QTMAN: variants seen among roughly 807,000 people sequenced by gnomAD.
QTMAN encodes tRNA-queuosine alpha-mannosyltransferase.
At chr2:144,215,273 T>C in the QTMAN span, among the ~76,000 whole-genome samples, 1,357 of 143,828 alleles carry the variant, frequency 9.4e-3, 10 homozygotes, top group East Asian at 0.013. Flanking sequence ...TATATATATA[T>C]ACACACACAC....
the QTMAN span, among the ~76,000 whole-genome samples, chr2:144,255,427 T>C: frequency 6.6e-6 from 1 of 152,170 alleles, no homozygotes; most frequent in African/African-American, 2.4e-5. Context: ...CAAGTTTGCT[T>C]TGGTTTCCGC....
At chr2:144,240,091 GTTAAAT>G in the QTMAN span, among the ~76,000 whole-genome samples, 3 of 152,176 alleles carry the variant, frequency 2.0e-5, no homozygotes, top group Non-Finnish European at 4.4e-5. Context: ...AATGGGCCTA[GTTAAAT>G]TAGAGGTAAT....
chr2:144,017,026 G>C, the QTMAN span, among the ~76,000 whole-genome samples: 1 of 149,540 alleles, frequency 6.7e-6, no homozygotes, highest in Non-Finnish European at 1.5e-5. Flanking sequence ...TTTTTTTTGA[G>C]ACAGAGTCTC....
At chr2:144,329,066 C>T in the QTMAN span, among the ~76,000 whole-genome samples, 1 of 151,816 alleles carries the variant, frequency 6.6e-6, no homozygotes, top group East Asian at 1.9e-4. Flanking sequence ...ATGGTGAAAC[C>T]CCATCAGTAC....
the QTMAN span, among the ~76,000 whole-genome samples, chr2:144,170,859 T>C: frequency 6.6e-6 from 1 of 152,140 alleles, no homozygotes; most frequent in Non-Finnish European, 1.5e-5. Context: ...ATATTCACAT[T>C]GATAACATAT....
At chr2:144,133,589 AAT>A in the QTMAN span, among the ~76,000 whole-genome samples, 193 of 128,822 alleles carry the variant, frequency 1.5e-3, no homozygotes, top group South Asian at 4.5e-3. Context: ...TATAAATACA[AAT>A]ATATATATAT....
At chr2:144,066,441 T>G in the QTMAN span, among the ~76,000 whole-genome samples, 1 of 152,200 alleles carries the variant, frequency 6.6e-6, no homozygotes, top group African/African-American at 2.4e-5. Context: ...ATTTAGCCAA[T>G]TTTTCAGCAC....
chr2:144,076,360 T>C, the QTMAN span, among the ~76,000 whole-genome samples: 1 of 152,218 alleles, frequency 6.6e-6, no homozygotes, highest in Admixed American at 6.5e-5. Flanking sequence ...AGGCAAGTGG[T>C]GTTCACCTGA....
the QTMAN span, among the ~76,000 whole-genome samples, chr2:144,305,263 C>A: frequency 6.6e-6 from 1 of 152,112 alleles, no homozygotes; most frequent in African/African-American, 2.4e-5. Context: ...ATCCATTTGG[C>A]ATTAATATTT....
the QTMAN span, among the ~76,000 whole-genome samples, chr2:144,198,719 C>T: frequency 6.6e-6 from 1 of 152,172 alleles, no homozygotes; most frequent in African/African-American, 2.4e-5. Context: ...TCCAGAGCAA[C>T]AGAGCTTTCC....
chr2:144,121,953 G>A, the QTMAN span, among the ~76,000 whole-genome samples: 1 of 152,066 alleles, frequency 6.6e-6, no homozygotes, highest in Non-Finnish European at 1.5e-5. Context: ...AGCCCAGTAG[G>A]TAAAAAATAA....
At chr2:144,013,684 A>G in the QTMAN span, among the ~76,000 whole-genome samples, 5 of 152,308 alleles carry the variant, frequency 3.3e-5, no homozygotes, top group African/African-American at 1.2e-4. Context: ...AACCAAATTG[A>G]GGAGAAGGAA....
chr2:144,239,390 A>C, the QTMAN span, among the ~76,000 whole-genome samples: 1 of 152,126 alleles, frequency 6.6e-6, no homozygotes, highest in Non-Finnish European at 1.5e-5. Context: ...AATATCTACA[A>C]TTGCCAACCT....
At chr2:144,122,435 A>G in the QTMAN span, among the ~76,000 whole-genome samples, 1 of 152,206 alleles carries the variant, frequency 6.6e-6, no homozygotes, top group Non-Finnish European at 1.5e-5. Context: ...TAAGTTGGCT[A>G]GCAGCTGGAG....
the QTMAN span, among the ~76,000 whole-genome samples, chr2:144,325,182 G>A: frequency 6.6e-6 from 1 of 152,172 alleles, no homozygotes; most frequent in Non-Finnish European, 1.5e-5. Flanking sequence ...ATAACCTGCT[G>A]TAACTCAACT....
chr2:143,945,341 A>G, the QTMAN span: 6 of 152,220 alleles, frequency 3.9e-5, no homozygotes, highest in Non-Finnish European at 5.9e-5. Context: ...GCTTCCCTGT[A>G]AAAGTCTAGA....
the QTMAN span, among the ~76,000 whole-genome samples, chr2:144,144,971 C>T: frequency 6.6e-6 from 1 of 150,422 alleles, no homozygotes; most frequent in African/African-American, 2.5e-5. Flanking sequence ...TACACTTTGT[C>T]GAAGTAACAA....
the QTMAN span, among the ~76,000 whole-genome samples, chr2:144,134,792 A>T: frequency 6.6e-6 from 1 of 152,142 alleles, no homozygotes; most frequent in African/African-American, 2.4e-5. Context: ...TTAAACTCCT[A>T]AGGATATAGC....
chr2:144,295,898 C>T, the QTMAN span, among the ~76,000 whole-genome samples: 1 of 152,058 alleles, frequency 6.6e-6, no homozygotes, highest in Non-Finnish European at 1.5e-5. Context: ...CTGAGCCTGG[C>T]CCCAAGGCAT....
Sources: gnomAD v4.1 joint callset for allele counts (sites outside exome capture counted in the v4.1 genomes callset) on GRCh38, gnomAD v4.1.1 for gene constraint, MANE v1.5 for transcripts, NCBI Gene and HGNC (gene_info 2026-07-23, HGNC 2026-07-21) for gene names.